MTHFD1L: variants seen among roughly 807,000 people sequenced by gnomAD.
MTHFD1L encodes the protein methylenetetrahydrofolate dehydrogenase (NADP+ dependent) 1 like, also known as monofunctional C1-tetrahydrofolate synthase, mitochondrial.
In MTHFD1L, 81 loss-of-function variants were observed where a neutral mutation model predicts 119.5. That is an observed-to-expected ratio of 0.68 (90% CI 0.57 to 0.82). The LOEUF is 0.82. MTHFD1L is among the 40% of genes least tolerant of loss of function. MTHFD1L has a pLI of 0.00. For synonymous variants in MTHFD1L, 430 were observed against 475.2 expected (o/e 0.90, Z 1.24); for missense variants, 1,125 against 1,253.4 (o/e 0.90, Z 1.55).
chr6:151,054,245 A>T (rs2128585746), intron 26 of MTHFD1L, among the ~76,000 whole-genome samples: 1 of 152,332 alleles, frequency 6.6e-6, no homozygotes, highest in East Asian at 1.9e-4. Flanking sequence ...TGCTACAACA[A>T]CATCACGAAA....
At chr6:150,869,258 A>G (rs969144939) in intron 1 of MTHFD1L, among the ~76,000 whole-genome samples, 2 of 152,108 alleles carry the variant, frequency 1.3e-5, no homozygotes, top group Non-Finnish European at 2.9e-5. Flanking sequence ...TGCTGCACCC[A>G]TCAACCCGTC....
intron 8 of MTHFD1L, among the ~76,000 whole-genome samples, chr6:150,918,148 C>CTCCACCT (rs538447616): frequency 6.6e-6 from 1 of 150,500 alleles, no homozygotes; most frequent in Non-Finnish European, 1.5e-5. Context: ...TCACTGCAAC[C>CTCCACCT]TCCACCTTCC....
intron 7 of MTHFD1L, among the ~76,000 whole-genome samples, chr6:150,888,743 C>T (rs796513974): frequency 2.6e-5 from 4 of 152,290 alleles, no homozygotes; most frequent in African/African-American, 9.6e-5. Context: ...CATTCCCAGC[C>T]ACACAGTGTG....
intron 20 of MTHFD1L, among the ~76,000 whole-genome samples, chr6:150,993,472 C>T (rs1267877939): frequency 6.6e-6 from 1 of 151,988 alleles, no homozygotes; most frequent in African/African-American, 2.4e-5. Context: ...CCACCACGTC[C>T]AGCTAATTTT....
At chr6:150,920,765 C>CTATG (rs1263180080) in intron 9 of MTHFD1L, among the ~76,000 whole-genome samples, 1 of 151,210 alleles carries the variant, frequency 6.6e-6, no homozygotes, top group East Asian at 1.9e-4. Flanking sequence ...AACACTTAAT[C>CTATG]TATTTATTTA....
At chr6:150,904,354 A>G (rs1211829226) in intron 7 of MTHFD1L, among the ~76,000 whole-genome samples, 2 of 152,152 alleles carry the variant, frequency 1.3e-5, no homozygotes, top group Non-Finnish European at 2.9e-5. Flanking sequence ...CAGGAAAGAC[A>G]GTGGGGGAAG....
At chr6:150,910,390 C>T (rs1185160812) in intron 8 of MTHFD1L, among the ~76,000 whole-genome samples, 1 of 150,958 alleles carries the variant, frequency 6.6e-6, no homozygotes. Context: ...GTGGAGAAAC[C>T]CCATCTCTAC....
intron 12 of MTHFD1L, 143 bp downstream of exon 12, chr6:150,937,083 T>C (rs997595268): frequency 3.3e-5 from 35 of 1,051,918 alleles, no homozygotes; most frequent in Non-Finnish European, 4.2e-5. Context: ...TACATAGTGG[T>C]CGCCCCATGT....
chr6:150,938,278 A>G (rs1173564288), intron 12 of MTHFD1L, among the ~76,000 whole-genome samples: 1 of 152,238 alleles, frequency 6.6e-6, no homozygotes, highest in Non-Finnish European at 1.5e-5. Flanking sequence ...TCAGCCTCCC[A>G]AAGTGCTGGG....
At chr6:150,935,314 C>A (rs61748005) in intron 11 of MTHFD1L, 3 of 1,611,996 alleles carry the variant, frequency 1.9e-6, no homozygotes, top group Non-Finnish European at 2.5e-6. Context: ...CTGAACTTCA[C>A]AAAATAACTA....
chr6:150,898,906 A>T, intron 7 of MTHFD1L: 1 of 850,386 alleles, frequency 1.2e-6, no homozygotes, highest in South Asian at 2.3e-5. Context: ...CGCGTGATCT[A>T]GGCTCACTGC....
chr6:151,025,831 T>C (rs879898679), intron 24 of MTHFD1L, among the ~76,000 whole-genome samples: 1 of 152,190 alleles, frequency 6.6e-6, no homozygotes. Context: ...CATTAAGAGA[T>C]GCTAGGGTAT....
intron 20 of MTHFD1L, among the ~76,000 whole-genome samples, chr6:150,980,730 A>G (rs978495483): frequency 3.3e-5 from 5 of 151,594 alleles, no homozygotes; most frequent in Non-Finnish European, 1.5e-5. Context: ...AAAAAAAGAA[A>G]GAAAGAAAAG....
chr6:150,936,667 A>G (rs868750330), intron 11 of MTHFD1L, 137 bp from the exon 12 acceptor site: 1 of 1,073,848 alleles, frequency 9.3e-7, no homozygotes, highest in Middle Eastern at 2.7e-4. Flanking sequence ...TGAGTAGACC[A>G]TAATAGCCCG....
chr6:151,063,336 C>T (rs1266861292), intron 26 of MTHFD1L, among the ~76,000 whole-genome samples: 1 of 151,940 alleles, frequency 6.6e-6, no homozygotes, highest in Non-Finnish European at 1.5e-5. Flanking sequence ...TGTGTAGTCT[C>T]TCTCTCTATA....
chr6:150,878,851 G>A (rs1193705995), intron 4 of MTHFD1L, among the ~76,000 whole-genome samples: 2 of 152,182 alleles, frequency 1.3e-5, no homozygotes, highest in African/African-American at 2.4e-5. Flanking sequence ...AGTACACAGA[G>A]GCTGCAGGGA....
chr6:150,963,316 G>A (rs895762367), intron 18 of MTHFD1L, among the ~76,000 whole-genome samples: 14 of 151,398 alleles, frequency 9.2e-5, no homozygotes, highest in African/African-American at 2.7e-4. Context: ...TTCCAGTTAC[G>A]TAGGAATATA....
chr6:151,023,301 C>T (rs1449218945), intron 24 of MTHFD1L, among the ~76,000 whole-genome samples: 7 of 152,116 alleles, frequency 4.6e-5, no homozygotes, highest in Non-Finnish European at 8.8e-5. Flanking sequence ...TCCTCCTCAG[C>T]CTCCCAAAGT....
At chr6:151,035,590 TG>T (rs1786041205) in intron 25 of MTHFD1L, among the ~76,000 whole-genome samples, 1 of 152,190 alleles carries the variant, frequency 6.6e-6, no homozygotes, top group African/African-American at 2.4e-5. Flanking sequence ...CACTGCTCTG[TG>T]CACAGGCATT....
Sources: allele counts gnomAD v4.1 joint callset (sites outside exome capture counted in the v4.1 genomes callset), GRCh38; gene constraint gnomAD v4.1.1; transcripts MANE v1.5; gene names NCBI Gene and HGNC (gene_info 2026-07-23, HGNC 2026-07-21).